CDC42BPA: variants seen among roughly 807,000 people sequenced by gnomAD.
The protein encoded by CDC42BPA is CDC42 binding protein kinase alpha, also known as serine/threonine-protein kinase MRCK alpha.
CDC42BPA carries 80 observed loss-of-function variants against 223.5 expected under a neutral mutation model. That is an observed-to-expected ratio of 0.36 (90% confidence interval 0.30 to 0.43). The LOEUF (loss-of-function observed/expected upper bound fraction) is 0.43, where lower values mean the gene tolerates loss of function less well. CDC42BPA is among the 20% of genes least tolerant of loss of function. CDC42BPA has a pLI of 1.00. For missense variants in CDC42BPA, 1,743 were observed against 2,099.9 expected (o/e 0.83, Z 3.32); for synonymous variants, 694 against 718.6 (o/e 0.97, Z 0.55).
chr1:227,229,948 T>G (rs1677519348), intron 2 of CDC42BPA, among the ~76,000 whole-genome samples: 1 of 152,142 alleles, frequency 6.6e-6, no homozygotes, highest in African/African-American at 2.4e-5. Context: ...TGTCATGGAG[T>G]CTTAAGAACT....
intron 7 of CDC42BPA, among the ~76,000 whole-genome samples, chr1:227,146,377 C>A (rs996229216): frequency 2.0e-5 from 3 of 151,888 alleles, no homozygotes; most frequent in Non-Finnish European, 4.4e-5. Flanking sequence ...TATTTACAAC[C>A]CTGCTGCTAT....
At chr1:227,107,626 C>T (rs1686162211) in intron 14 of CDC42BPA, among the ~76,000 whole-genome samples, 1 of 152,126 alleles carries the variant, frequency 6.6e-6, no homozygotes. Flanking sequence ...GTGTTTGGTT[C>T]AATTCAGCAG....
At chr1:227,059,290 A>T in intron 21 of CDC42BPA, 9 of 1,123,310 alleles carry the variant, frequency 8.0e-6, no homozygotes, top group Non-Finnish European at 1.2e-5. Flanking sequence ...AAAAACATTA[A>T]CAGGTTCCGC....
chr1:227,260,151 C>T (rs1513614), intron 1 of CDC42BPA, among the ~76,000 whole-genome samples: 43,385 of 150,292 alleles, frequency 0.29, 6,962 homozygotes, highest in East Asian at 0.37. Context: ...GCCTTTCCAA[C>T]ATAACAAGTT....
chr1:227,013,549 T>C (rs1487154836), intron 34 of CDC42BPA, among the ~76,000 whole-genome samples: 2 of 152,056 alleles, frequency 1.3e-5, no homozygotes, highest in African/African-American at 4.8e-5. Context: ...CTCTGGAACA[T>C]TAGCAAACTG....
rs144798693 is a variant in CDC42BPA at position 226,994,237 on chromosome 1, G to A, written c.*31C>T. 168 of 1,550,692 alleles carry A rather than the reference G, an allele frequency of 1.1e-4. 1 individual carries two copies. The highest frequency in any genetic ancestry group is 7.2e-4 in the Middle Eastern group (4 of 5,574). On this transcript the variant is annotated 3_prime_UTR_variant, in exon 37 of 37. Coordinates refer to ENST00000366766, the MANE Select transcript of CDC42BPA (RefSeq NM_001394014.1). This position sits in a 1 kb window ranked among gnomAD's most constrained non-coding sequence, Gnocchi z 4.0. ...TGAGAGGAGGCGAGTGGCAGGGAGC[G>A]GAGAGCGAGAGGTCCCAGTGCTGAG...
chr1:226,996,880 C>T (rs1289471), intron 35 of CDC42BPA, among the ~76,000 whole-genome samples: 9,704 of 152,146 alleles, frequency 0.064, 502 homozygotes, highest in East Asian at 0.25. Flanking sequence ...TGAGGATTTT[C>T]GCATCAATGT....
chr1:227,247,102 G>A (rs1681111538), intron 2 of CDC42BPA, among the ~76,000 whole-genome samples: 1 of 152,184 alleles, frequency 6.6e-6, no homozygotes, highest in East Asian at 1.9e-4. Context: ...TCAGCAGGCT[G>A]ACATGGAAGA....
At position 227,016,599 on chromosome 1, in the gene CDC42BPA, C is replaced by G. The variant is rs1275592038; in HGVS notation, c.4739+328G>C. 3.9e-5 allele frequency among the ~76,000 whole-genome samples: 6 copies of G among 152,268 alleles called. No homozygotes were observed. In the East Asian group the frequency reaches 9.6e-4, roughly 24 times the overall value. ...GAGTAGTTAGTCTGAACTTCTTAGA[C>G]ATATACAGGTTTACTGTATGCACAG... On this transcript the variant is annotated intron_variant, in intron 33 of 36. Transcript: ENST00000366766.
In CDC42BPA at chr1:227,039,713, A is replaced by G. The variant is rs544633486; in HGVS notation, c.3199+418T>C. On this transcript the variant is annotated intron_variant, in intron 24 of 36. Transcript: ENST00000366766. Reference sequence around the variant, plus strand: ...ATGAATAAATCATGGATGTTAGGGGAAAAAAAAAAACCTCTGCTATTAATA... The same window carrying G: ...ATGAATAAATCATGGATGTTAGGGGGAAAAAAAAAACCTCTGCTATTAATA... Among the ~76,000 whole-genome samples the G allele has an allele frequency of 2.5e-3, 366 of 147,348 alleles. 2 individuals carry two copies. The highest frequency in any genetic ancestry group is 0.018 in the South Asian group (84 of 4,648).
At chr1:227,129,980 C>T (rs484391) in intron 10 of CDC42BPA, among the ~76,000 whole-genome samples, 1 of 151,946 alleles carries the variant, frequency 6.6e-6, no homozygotes, top group Non-Finnish European at 1.5e-5. Flanking sequence ...GTAACCATGG[C>T]TCAACAATTT....
chr1:227,177,171 A>G (rs1456483092), intron 5 of CDC42BPA, among the ~76,000 whole-genome samples: 1 of 151,776 alleles, frequency 6.6e-6, no homozygotes, highest in East Asian at 1.9e-4. Context: ...ATACACTGAG[A>G]TATTTACTAA....
chr1:227,196,200 T>C (rs1173609498), intron 4 of CDC42BPA, among the ~76,000 whole-genome samples: 1 of 152,020 alleles, frequency 6.6e-6, no homozygotes, highest in Non-Finnish European at 1.5e-5. Flanking sequence ...GGAACAGATA[T>C]AATTCTAGAA....
At chr1:227,120,177 A>G (rs2149442638) in intron 11 of CDC42BPA, among the ~76,000 whole-genome samples, 1 of 152,230 alleles carries the variant, frequency 6.6e-6, no homozygotes, top group East Asian at 1.9e-4. Context: ...TTAGGAAAAA[A>G]AAAAAAAGCA....
At position 227,234,006 on chromosome 1, in the gene CDC42BPA, T is replaced by C. The variant is rs373059027; in HGVS notation, c.270+20058A>G. ...CTCTGCAGCATGTAGAATTCTCTAT[T>C]TATCTTTTAGGTTCAGCAAGATAAC... On this transcript the variant is annotated intron_variant, in intron 2 of 36. Transcript: ENST00000366766. Among the ~76,000 whole-genome samples, 3 of 151,314 alleles carry C rather than the reference T, an allele frequency of 2.0e-5. No individual in the cohort carries two copies. In the East Asian group the frequency reaches 5.8e-4, roughly 29 times the overall value.
intron 34 of CDC42BPA, among the ~76,000 whole-genome samples, chr1:227,010,033 A>G (rs1377095595): frequency 6.6e-6 from 1 of 152,202 alleles, no homozygotes; most frequent in African/African-American, 2.4e-5. Flanking sequence ...ATACAATATA[A>G]ACATTTTATT....
At chr1:227,186,498 T>G (rs1426748604) in intron 5 of CDC42BPA, among the ~76,000 whole-genome samples, 1 of 152,016 alleles carries the variant, frequency 6.6e-6, no homozygotes, top group Admixed American at 6.6e-5. Flanking sequence ...CTGTCCCAAC[T>G]AAGCAGGAAG....
At chr1:227,316,906 T>C in intron 1 of CDC42BPA, 99 bp downstream of exon 1, 1 of 843,892 alleles carries the variant, frequency 1.2e-6, no homozygotes, top group Non-Finnish European at 1.8e-6. Context: ...ATTGTATTTT[T>C]TCTTTGAACG....
intron 12 of CDC42BPA, among the ~76,000 whole-genome samples, chr1:227,116,601 A>C (rs1226207119): frequency 6.6e-6 from 1 of 152,182 alleles, no homozygotes; most frequent in Admixed American, 6.5e-5. Flanking sequence ...TTCTGTATGA[A>C]ATTTTATGGA....
Sources: gnomAD v4.1 joint callset for allele counts (sites outside exome capture counted in the v4.1 genomes callset) on GRCh38, gnomAD v4.1.1 for gene constraint, Gnocchi (gnomAD v3.1) non-coding constraint, MANE v1.5 for transcripts, NCBI Gene and HGNC (gene_info 2026-07-23, HGNC 2026-07-21) for gene names.